Variants in BEND6 observed in about 807,000 individuals in gnomAD.
BEND6 encodes BEN domain containing 6.
A neutral mutation model predicts 31.8 loss-of-function variants in BEND6; 24 were observed. That is an observed-to-expected ratio of 0.75 (90% confidence interval 0.55 to 1.06). The LOEUF is 1.06. BEND6 is among the 50% of genes least tolerant of loss of function. The probability of loss-of-function intolerance (pLI) is 0.00; values close to 1 mark genes in which losing one functional copy is unlikely to be tolerated. For missense variants in BEND6, 294 were observed against 327.4 expected, an observed-to-expected ratio of 0.90 and a Z score of 0.79; for synonymous variants, 109 against 114.6, an observed-to-expected ratio of 0.95 and a Z score of 0.31.
intron 6 of BEND6, among the ~76,000 whole-genome samples, chr6:57,022,156 T>G (rs866225008): frequency 7.1e-6 from 1 of 140,444 alleles, no homozygotes; most frequent in African/African-American, 2.6e-5. Context: ...TTTTCTTTTT[T>G]TCTTTTTCTT....
intron 6 of BEND6, among the ~76,000 whole-genome samples, chr6:57,025,212 A>G (rs1827864554): frequency 6.6e-6 from 1 of 152,078 alleles, no homozygotes; most frequent in Non-Finnish European, 1.5e-5. Flanking sequence ...AAGGTCAGTC[A>G]CTGATTTCTT....
intron 3 of BEND6, chr6:57,004,667 A>G (rs1347969195): frequency 8.6e-6 from 11 of 1,276,622 alleles, no homozygotes; most frequent in East Asian, 7.5e-5. Flanking sequence ...TTACATTTGG[A>G]AAAAAAAAAT....
Position 57,018,576 on chromosome 6 carries a change from C to A in BEND6, c.*9+19C>A. On this transcript the variant is annotated intron_variant, in intron 6 of 6. Coordinates refer to ENST00000370746, the MANE Select transcript of BEND6 (RefSeq NM_152731.3). ...CCTTTTGGTAAGTCTTTTAAATCTT[C>A]AGTCCTTTCAATGTGGCAAGAAAAT... 6.8e-7 allele frequency: 1 copy of A among 1,477,596 alleles called. No homozygotes were observed. Among genetic ancestry groups the A allele is most frequent in the South Asian group, 1.5e-5 (1 of 68,924 alleles). 91.5% of individuals were successfully genotyped at this position (1,477,596 alleles called of 1,614,324 possible). A position where few individuals can be genotyped will look rare whatever the true frequency, so the allele number is the denominator to read the frequency against.
chr6:57,011,237 T>C (rs1280653845), intron 3 of BEND6, among the ~76,000 whole-genome samples: 1 of 152,190 alleles, frequency 6.6e-6, no homozygotes, highest in Non-Finnish European at 1.5e-5. Context: ...CACAGTGAAA[T>C]GGCCAGTTTC....
At chr6:57,006,781 A>C (rs1161965766) in intron 3 of BEND6, among the ~76,000 whole-genome samples, 2 of 152,238 alleles carry the variant, frequency 1.3e-5, no homozygotes, top group African/African-American at 4.8e-5. Flanking sequence ...TGAATAGCCA[A>C]AGCAATTCTG....
intron 1 of BEND6, among the ~76,000 whole-genome samples, chr6:56,969,807 A>G (rs1230706481): frequency 1.3e-5 from 2 of 152,094 alleles, no homozygotes; most frequent in African/African-American, 4.8e-5. Flanking sequence ...GTTAAAATTA[A>G]ACATAAATGC....
At chr6:56,989,826 A>G (rs977770808) in intron 2 of BEND6, among the ~76,000 whole-genome samples, 4 of 152,172 alleles carry the variant, frequency 2.6e-5, no homozygotes, top group Non-Finnish European at 5.9e-5. Flanking sequence ...ACTTAACAGT[A>G]TTGCAAATAT....
chr6:56,966,878 A>G (rs1825499512), intron 1 of BEND6, among the ~76,000 whole-genome samples: 2 of 152,214 alleles, frequency 1.3e-5, no homozygotes, highest in African/African-American at 4.8e-5. Flanking sequence ...TGATCCAGTA[A>G]TACAGATAAG....
Position 56,992,380 on chromosome 6 carries a change from A to G in BEND6, c.123A>G (p.Arg41=). 21 of 1,601,902 alleles carry G rather than the reference A, an allele frequency of 1.3e-5. No individual in the cohort carries two copies. Among genetic ancestry groups the G allele is most frequent in the Non-Finnish European group, 1.8e-5 (21 of 1,176,990 alleles). The change falls in exon 3 of 7, where the codon AGA becomes AGG. Residue 41 remains arginine (R), a splice_region_variant and synonymous_variant. Transcript: ENST00000370746. ...NANSDMDKGQ[R]DPYSGNAFLP... is the part of the protein sequence containing the mutation. ...ATTGTGCCTGCCTTCTATTTTAGAG[A>G]GACCCATATTCGGGAAATGCCTTTC...
chr6:57,010,117 TAAAAC>T (rs1827294627), intron 3 of BEND6: 1 of 152,180 alleles, frequency 6.6e-6, no homozygotes, highest in Non-Finnish European at 1.5e-5. Flanking sequence ...TGATGGAAGT[TAAAAC>T]AGTACCTGAA....
chr6:56,972,086 C>CTGTCTTTTTTTTTTTTTTTTTTT (rs1825708870), intron 1 of BEND6, among the ~76,000 whole-genome samples: 1 of 62,530 alleles, frequency 1.6e-5, no homozygotes, highest in African/African-American at 6.4e-5. Context: ...ACTTTACTTT[C>CTGTCTTTTTTTTTTTTTTTTTTT]TTTTTTTTTT....
intron 3 of BEND6, chr6:57,004,681 A>T: frequency 6.6e-7 from 1 of 1,519,556 alleles, no homozygotes; most frequent in South Asian, 1.1e-5. Flanking sequence ...AAAAAATGTG[A>T]ATCAGTCACT....
chr6:57,015,504 G>A, intron 4 of BEND6, 151 bp downstream of exon 4: 1 of 896,836 alleles, frequency 1.1e-6, no homozygotes, highest in Non-Finnish European at 1.6e-6. Flanking sequence ...GTACCACAAA[G>A]AAGAGGCATA....
intron 1 of BEND6, among the ~76,000 whole-genome samples, chr6:56,968,392 C>T (rs1378496445): frequency 7.3e-6 from 1 of 137,778 alleles, no homozygotes; most frequent in Non-Finnish European, 1.5e-5. Context: ...AGGAACACAG[C>T]TCACTGCAGC....
chr6:57,016,562 T>C (rs1827567340), intron 4 of BEND6, among the ~76,000 whole-genome samples: 1 of 152,218 alleles, frequency 6.6e-6, no homozygotes, highest in Non-Finnish European at 1.5e-5. Flanking sequence ...AGGCCATTCC[T>C]ACTTCTAGAA....
At chr6:56,968,793 T>C (rs1371524885) in intron 1 of BEND6, among the ~76,000 whole-genome samples, 1 of 152,040 alleles carries the variant, frequency 6.6e-6, no homozygotes, top group African/African-American at 2.4e-5. Flanking sequence ...ATGAAGGAAG[T>C]GGCCAGGTGC....
chr6:57,005,938 A>T (rs1184007884), intron 3 of BEND6, among the ~76,000 whole-genome samples: 1 of 152,264 alleles, frequency 6.6e-6, no homozygotes, highest in East Asian at 1.9e-4. Flanking sequence ...CAATAATTTA[A>T]AGTGCCTGGC....
At chr6:57,003,634 A>G (rs577871456) in intron 3 of BEND6, among the ~76,000 whole-genome samples, 20 of 152,308 alleles carry the variant, frequency 1.3e-4, no homozygotes, top group African/African-American at 3.4e-4. Flanking sequence ...TACTGAAACT[A>G]TTCCAAAAAA....
At chr6:56,955,552 A>AG (rs1254358731) in intron 1 of BEND6, 92 bp downstream of exon 1, 2 of 152,220 alleles carry the variant, frequency 1.3e-5, no homozygotes, top group Non-Finnish European at 2.9e-5. Flanking sequence ...CAGGAACGGG[A>AG]GGCCCACTCC....
Sources: allele counts gnomAD v4.1 joint callset (sites outside exome capture counted in the v4.1 genomes callset), GRCh38; gene constraint gnomAD v4.1.1; transcripts MANE v1.5; gene names NCBI Gene and HGNC (gene_info 2026-07-23, HGNC 2026-07-21).